PLD1: variants seen among roughly 807,000 people sequenced by gnomAD.
PLD1 encodes phospholipase D1.
PLD1 carries 112 observed loss-of-function variants against 137.1 expected under a neutral mutation model. The ratio of observed to expected loss-of-function variants is 0.82; its 90% CI spans 0.70 to 0.96. The LOEUF is 0.96. Ranked by LOEUF, PLD1 falls within the 40% of genes least tolerant of loss-of-function variation. The pLI is 0.00. For missense variants in PLD1, 1,321 were observed against 1,342.0 expected (o/e 0.98, Z 0.24); for synonymous variants, 431 against 454.7 (o/e 0.95, Z 0.66).
chr3:171,803,656 C>G (rs370928885), intron 1 of PLD1, among the ~76,000 whole-genome samples: 1 of 152,140 alleles, frequency 6.6e-6, no homozygotes, highest in Non-Finnish European at 1.5e-5. Context: ...TCGCTTGGAC[C>G]TGGGAGGCGG....
intron 1 of PLD1, among the ~76,000 whole-genome samples, chr3:171,745,876 A>G (rs1204269603): frequency 1.3e-5 from 2 of 151,892 alleles, no homozygotes; most frequent in African/African-American, 4.8e-5. Flanking sequence ...TTCTGCTTGC[A>G]GGGAGGTGTG....
intron 13 of PLD1, among the ~76,000 whole-genome samples, chr3:171,690,581 G>A (rs1189588679): frequency 2.0e-5 from 3 of 151,952 alleles, no homozygotes; most frequent in Admixed American, 6.6e-5. Context: ...TCTTTCCCTT[G>A]TGAATTTTTG....
chr3:171,797,543 G>T (rs1723480142), intron 1 of PLD1, among the ~76,000 whole-genome samples: 1 of 152,130 alleles, frequency 6.6e-6, no homozygotes, highest in Non-Finnish European at 1.5e-5. Context: ...GCACAGTAGA[G>T]TGTGAGAACC....
intron 12 of PLD1, 120 bp from the exon 13 acceptor site, chr3:171,692,562 C>A (rs1337113957): frequency 4.9e-6 from 3 of 615,904 alleles, no homozygotes; most frequent in Non-Finnish European, 8.7e-6. Flanking sequence ...ACTCTGTCAC[C>A]CAGCCTGGAG....
chr3:171,752,453 T>C (rs1720732756), intron 1 of PLD1, among the ~76,000 whole-genome samples: 1 of 152,230 alleles, frequency 6.6e-6, no homozygotes, highest in Admixed American at 6.5e-5. Context: ...GCTCTTTCCC[T>C]CTTGCTGAGC....
intron 1 of PLD1, among the ~76,000 whole-genome samples, chr3:171,775,700 G>A (rs753335671): frequency 5.9e-5 from 9 of 152,084 alleles, no homozygotes; most frequent in African/African-American, 9.6e-5. Flanking sequence ...AAAATTAGCC[G>A]GGCGTGGTGG....
At chr3:171,792,523 T>C (rs1449908465) in intron 1 of PLD1, 1 of 453,352 alleles carries the variant, frequency 2.2e-6, no homozygotes, top group Non-Finnish European at 4.4e-6. Context: ...GACACGAAGG[T>C]CTCGCTGAGC....
At chr3:171,725,779 G>C (rs1233568791) in intron 7 of PLD1, among the ~76,000 whole-genome samples, 1 of 152,162 alleles carries the variant, frequency 6.6e-6, no homozygotes, top group Non-Finnish European at 1.5e-5. Flanking sequence ...TCCACTGTTG[G>C]GTTAGAAAGA....
At chr3:171,619,812 T>C (rs1010198431) in intron 24 of PLD1, among the ~76,000 whole-genome samples, 1 of 151,980 alleles carries the variant, frequency 6.6e-6, no homozygotes, top group Non-Finnish European at 1.5e-5. Context: ...TAGCTGGGTG[T>C]GGTGGCTCGG....
intron 5 of PLD1, 99 bp from the exon 6 acceptor site, chr3:171,733,608 C>T: frequency 1.8e-6 from 1 of 552,794 alleles, no homozygotes; most frequent in Non-Finnish European, 3.2e-6. Flanking sequence ...TTCATCTTAA[C>T]TTCTACAAGT....
intron 6 of PLD1, among the ~76,000 whole-genome samples, chr3:171,730,281 G>A (rs1718833454): frequency 6.6e-6 from 1 of 152,070 alleles, no homozygotes; most frequent in Non-Finnish European, 1.5e-5. Context: ...TATGCTTAGG[G>A]TAAAGAGGAA....
Position 171,687,595 on chromosome 3 carries a change from T to A in PLD1, c.1540-11A>T, listed in dbSNP as rs760882975. On this transcript the variant is annotated splice_polypyrimidine_tract_variant and intron_variant, in intron 14 of 26. Transcript: ENST00000351298. ...CTCCATTGCGGCAGGCTGAGAAAAA[T>A]TTTTTTTTAAAAAAAGACACTGCAT... 17 of 1,582,160 alleles carry A rather than the reference T, an allele frequency of 1.1e-5. No individual in the cohort carries two copies. Among genetic ancestry groups the A allele is most frequent in the Admixed American group, 3.5e-5 (2 of 57,698 alleles).
intron 1 of PLD1, among the ~76,000 whole-genome samples, chr3:171,802,460 A>G (rs1017518321): frequency 6.6e-6 from 1 of 152,196 alleles, no homozygotes; most frequent in Non-Finnish European, 1.5e-5. Flanking sequence ...TCCAAATGAC[A>G]AAAAAGAAGG....
At chr3:171,754,761 T>C (rs539408304) in intron 1 of PLD1, among the ~76,000 whole-genome samples, 6 of 152,334 alleles carry the variant, frequency 3.9e-5, no homozygotes, top group African/African-American at 1.2e-4. Flanking sequence ...ATTAGTGATA[T>C]TACATCCTTC....
rs778886885 is a variant in PLD1, at chr3:171,603,181, C to T, written c.3122G>A (p.Arg1041His). ...AAAGGGGAATTGCACCAAAAATCCACGGATCTTCTTCAGTTCCTCCTCAGC... is the reference window on the plus strand; with the variant it reads ...AAAGGGGAATTGCACCAAAAATCCATGGATCTTCTTCAGTTCCTCCTCAGC... ...IRAEEELKKI[R>H]GFLVQFPFYF... The change falls in exon 27 of 27, where the codon CGT (arginine) becomes CAT (histidine). Residue 1041 changes from arginine to histidine, a missense_variant. By Grantham distance (29) the Arg-to-His change is conservative. Coordinates refer to ENST00000351298, the MANE Select transcript of PLD1 (RefSeq NM_002662.5). The T allele has an allele frequency of 2.4e-5, 38 of 1,613,984 alleles. No homozygotes were observed. Among genetic ancestry groups the T allele is most frequent in the Admixed American group, 5.0e-5 (3 of 59,986 alleles).
chr3:171,642,110 C>A (rs1479853253), intron 23 of PLD1, among the ~76,000 whole-genome samples: 2 of 152,022 alleles, frequency 1.3e-5, no homozygotes, highest in African/African-American at 4.8e-5. Context: ...GATAGGTAAA[C>A]CCCTAGTTAC....
intron 8 of PLD1, among the ~76,000 whole-genome samples, chr3:171,715,770 T>C (rs1395597969): frequency 1.3e-5 from 2 of 152,184 alleles, no homozygotes; most frequent in African/African-American, 4.8e-5. Flanking sequence ...TTTTTTTCTT[T>C]TAACTTTTAC....
At chr3:171,804,922 G>A (rs369129213) in intron 1 of PLD1, among the ~76,000 whole-genome samples, 10 of 152,270 alleles carry the variant, frequency 6.6e-5, no homozygotes, top group South Asian at 4.1e-4. Flanking sequence ...CCAATGCCTC[G>A]TCTCTGCATT....
At chr3:171,799,165 C>A (rs1413335128) in intron 1 of PLD1, among the ~76,000 whole-genome samples, 3 of 151,778 alleles carry the variant, frequency 2.0e-5, no homozygotes. Flanking sequence ...ACGGTGAAAC[C>A]CTGTCTCTAC....
Sources: gnomAD v4.1 joint callset for allele counts (sites outside exome capture counted in the v4.1 genomes callset) on GRCh38, gnomAD v4.1.1 for gene constraint, MANE v1.5 for transcripts, NCBI Gene and HGNC (gene_info 2026-07-23, HGNC 2026-07-21) for gene names.